Variants in KDM4A observed in about 807,000 individuals in gnomAD.
The protein encoded by KDM4A is lysine demethylase 4A, also known as lysine-specific demethylase 4A.
In KDM4A, 23 loss-of-function variants were observed where a neutral mutation model predicts 127.1. The ratio of observed to expected loss-of-function variants is 0.18; its 90% CI spans 0.13 to 0.26. The LOEUF (loss-of-function observed/expected upper bound fraction) is 0.26. Ranked by LOEUF, KDM4A falls within the 10% of genes least tolerant of loss-of-function variation. The pLI is 1.00. For missense variants in KDM4A, 890 were observed against 1,329.1 expected (o/e 0.67, Z 5.14); for synonymous variants, 443 against 466.5 (o/e 0.95, Z 0.65).
At position 43,669,197 on chromosome 1, in the gene KDM4A, AG is replaced by A. The variant is rs1660564709; in HGVS notation, c.1262del (p.Ser421IlefsTer7). On this transcript the variant is annotated frameshift_variant, in exon 10 of 22. Transcript: ENST00000372396. LOFTEE classifies it high-confidence loss of function. ...QSELFPKEDL[S>X]SEQYEMTECP... is the part of the protein sequence containing the mutation. ...TGAGCTCTTCCCCAAGGAGGATCTG[AG>A]TTCTGAGCAGTATGAGATGACGGAG... 1 of 1,614,086 alleles carries A rather than the reference AG, an allele frequency of 6.2e-7. No homozygotes were observed. Among genetic ancestry groups the A allele is most frequent in the African/African-American group, 1.3e-5 (1 of 74,930 alleles).
intron 10 of KDM4A, 29 bp from the exon 11 acceptor site, chr1:43,671,476 G>A: frequency 6.6e-7 from 1 of 1,506,714 alleles, no homozygotes; most frequent in South Asian, 1.4e-5. Flanking sequence ...GAGGAACTTG[G>A]CTCTGTCTAA....
chr1:43,658,213 G>A (rs942369474), intron 3 of KDM4A, among the ~76,000 whole-genome samples: 2 of 151,644 alleles, frequency 1.3e-5, no homozygotes, highest in African/African-American at 4.9e-5. Context: ...GGGATTACAG[G>A]TGCCCACCAC....
chr1:43,655,727 T>C lies in KDM4A; in HGVS notation c.275T>C (p.Met92Thr), dbSNP rs2154046346. 1.9e-6 allele frequency: 3 copies of C among 1,613,072 alleles called. No homozygotes were observed. The highest frequency in any genetic ancestry group is 2.5e-6 in the Non-Finnish European group (3 of 1,179,530). The change falls in exon 3 of 22, where the codon ATG (methionine) becomes ACG (threonine). Residue 92 changes from methionine to threonine, a missense_variant. Physicochemically the swap from Met to Thr is moderately conservative, Grantham distance 81 (BLOSUM62 -1). Transcript: ENST00000372396. ...CAGTACAACATACAGAAGAAAGCCA[T>C]GACTGTTCGAGAGTTCCGCAAGATA... ...FTQYNIQKKAMTVREFRKIAN... is the reference protein window; with the variant it reads ...FTQYNIQKKATTVREFRKIAN...
intron 11 of KDM4A, among the ~76,000 whole-genome samples, chr1:43,675,748 T>C (rs1367890975): frequency 1.3e-5 from 2 of 152,096 alleles, no homozygotes; most frequent in African/African-American, 4.8e-5. Flanking sequence ...GATTTGGAAA[T>C]TGAAAACTTT....
At chr1:43,687,558 GGCATA>G (rs1416719081) in intron 12 of KDM4A, among the ~76,000 whole-genome samples, 1 of 152,218 alleles carries the variant, frequency 6.6e-6, no homozygotes, top group East Asian at 1.9e-4. Flanking sequence ...GCCAAAGAAA[GGCATA>G]GCAACTCTAG....
rs951842581 is a variant in KDM4A at position 43,705,083 on chromosome 1, T to C, written c.*713T>C. The C allele has an allele frequency of 1.3e-5, 2 of 152,538 alleles. No homozygotes were observed. Among genetic ancestry groups the C allele is most frequent in the Admixed American group, 1.3e-4 (2 of 15,290 alleles). The allele number at this position is 152,538 out of a possible 1,614,324, so 9.4% of individuals were successfully genotyped here. A position where few individuals can be genotyped will look rare whatever the true frequency, so the allele number is the denominator to read the frequency against. On this transcript the variant is annotated 3_prime_UTR_variant, in exon 22 of 22. Transcript: ENST00000372396. ...ACATGGGTGTGTGCCCACAACACTC[T>C]AGGTGCAGAGCCCCTGTGGCAAAGT...
rs11438925 is a variant in KDM4A at position 43,656,329 on chromosome 1, G to GTTTTTTT, written c.314+583_314+589dup. Among the ~76,000 whole-genome samples the GTTTTTTT allele has an allele frequency of 7.4e-5, 4 of 54,154 alleles. 1 individual carries two copies. The highest frequency in any genetic ancestry group is 1.3e-4 in the Non-Finnish European group (4 of 30,452). The allele number at this position is 54,154 out of a possible 152,430, so 35.5% of individuals were successfully genotyped here. A position where few individuals can be genotyped will look rare whatever the true frequency, so the allele number is the denominator to read the frequency against. ...TGTTTTCAGTTCTTCTCTGCTGTTGGTTTTTTTTTTTTTTTTTTTTTTTTT... is the reference window on the plus strand; with the variant it reads ...TGTTTTCAGTTCTTCTCTGCTGTTGGTTTTTTTTTTTTTTTTTTTTTTTTTTTTTTTT... On this transcript the variant is annotated intron_variant, in intron 3 of 21. Coordinates refer to ENST00000372396, the MANE Select transcript of KDM4A (RefSeq NM_014663.3).
At chr1:43,680,109 A>G (rs1660824980) in intron 11 of KDM4A, among the ~76,000 whole-genome samples, 1 of 152,204 alleles carries the variant, frequency 6.6e-6, no homozygotes, top group Non-Finnish European at 1.5e-5. Context: ...AAGGGTGCGG[A>G]TGCCATGGTA....
At position 43,667,939 on chromosome 1, in the gene KDM4A, A is replaced by C; in HGVS notation, c.1083A>C (p.Pro361=). 6.2e-7 allele frequency: 1 copy of C among 1,614,156 alleles called. No homozygotes were observed. The highest frequency in any genetic ancestry group is 8.5e-7 in the Non-Finnish European group (1 of 1,180,010). The change falls in exon 9 of 22, where the codon CCA becomes CCC. Residue 361 remains proline (P), a synonymous_variant. Transcript: ENST00000372396. ...TTCTTAAGGAGAGTGAACTGCCTCC[A>C]AGAGCTGGCAACGAGGAGGAGTGCC... ...AEFLKESELP[P]RAGNEEECPE... is the part of the protein sequence containing the mutation.
At chr1:43,659,902 T>C (rs1180793124) in intron 3 of KDM4A, among the ~76,000 whole-genome samples, 1 of 152,174 alleles carries the variant, frequency 6.6e-6, no homozygotes, top group Non-Finnish European at 1.5e-5. Context: ...TTGGAAAGCC[T>C]TAGCTCTTCA....
At chr1:43,689,417 T>C (rs1356199918) in intron 13 of KDM4A, among the ~76,000 whole-genome samples, 3 of 152,370 alleles carry the variant, frequency 2.0e-5, no homozygotes, top group Non-Finnish European at 2.9e-5. Flanking sequence ...AAGTGGTTTA[T>C]AGTCCTGGCC....
chr1:43,675,067 G>C (rs1034330934), intron 11 of KDM4A, among the ~76,000 whole-genome samples: 2 of 152,214 alleles, frequency 1.3e-5, no homozygotes, highest in African/African-American at 4.8e-5. Context: ...AAACCCTTGA[G>C]TGTCTTCTTG....
intron 11 of KDM4A, among the ~76,000 whole-genome samples, chr1:43,678,165 G>C (rs1468216346): frequency 6.6e-6 from 1 of 152,000 alleles, no homozygotes; most frequent in Admixed American, 6.6e-5. Context: ...GAAATGAGTT[G>C]AGTTTGGGTA....
In KDM4A at chr1:43,672,908, A is replaced by G. The variant is rs141769501; in HGVS notation, c.1734+1033A>G. 2.4e-3 allele frequency among the ~76,000 whole-genome samples: 358 copies of G among 152,266 alleles called. 2 individuals are homozygous for G. Among genetic ancestry groups the G allele is most frequent in the African/African-American group, 8.3e-3 (344 of 41,542 alleles). On this transcript the variant is annotated intron_variant, in intron 11 of 21. Coordinates refer to ENST00000372396, the MANE Select transcript of KDM4A (RefSeq NM_014663.3). Reference sequence around the variant, plus strand: ...GTTTGGAGGTTTGGGATCAGATGAGATGACCTTTCTTACCTTGAAATTCAA... The same window carrying G: ...GTTTGGAGGTTTGGGATCAGATGAGGTGACCTTTCTTACCTTGAAATTCAA...
At chr1:43,668,153 T>G in intron 9 of KDM4A, 134 bp downstream of exon 9, 4 of 1,182,480 alleles carry the variant, frequency 3.4e-6, no homozygotes, top group Non-Finnish European at 4.8e-6. Context: ...TTTGATGGAG[T>G]CTCGCTCTGT....
chr1:43,677,883 A>G (rs1660777755), intron 11 of KDM4A, among the ~76,000 whole-genome samples: 1 of 152,216 alleles, frequency 6.6e-6, no homozygotes, highest in South Asian at 2.1e-4. Flanking sequence ...AAGATTTGAA[A>G]CAGGGAAACC....
chr1:43,700,748 G>A (rs550628752), intron 19 of KDM4A, among the ~76,000 whole-genome samples: 91 of 151,780 alleles, frequency 6.0e-4, no homozygotes, highest in Non-Finnish European at 8.5e-4. Flanking sequence ...GTTGCAGTGT[G>A]GAATCTGAAA....
chr1:43,658,546 C>T (rs914196171), intron 3 of KDM4A, among the ~76,000 whole-genome samples: 5 of 142,954 alleles, frequency 3.5e-5, no homozygotes, highest in Admixed American at 7.1e-5. Context: ...CTCTGTGGCG[C>T]GGGCTAGAGT....
At chr1:43,691,605 A>G (rs771496250) in intron 15 of KDM4A, 33 bp downstream of exon 15, 9 of 1,584,148 alleles carry the variant, frequency 5.7e-6, no homozygotes, top group South Asian at 4.4e-5. Context: ...TGTCTTCACC[A>G]TGAGTCTTGG....
Sources: allele counts gnomAD v4.1 joint callset (sites outside exome capture counted in the v4.1 genomes callset), GRCh38; gene constraint gnomAD v4.1.1; transcripts MANE v1.5; gene names NCBI Gene and HGNC (gene_info 2026-07-23, HGNC 2026-07-21).